SCAPER: variants seen among roughly 807,000 people sequenced by gnomAD.
The protein encoded by SCAPER is S-phase cyclin A associated protein in the ER.
In SCAPER, 98 loss-of-function variants were observed where a neutral mutation model predicts 182.2. The observed-to-expected ratio is 0.54, with a 90% CI of 0.46 to 0.64. The LOEUF (loss-of-function observed/expected upper bound fraction) is 0.64. SCAPER is among the 30% of genes least tolerant of loss of function. SCAPER has a pLI of 0.00. For missense variants in SCAPER, 1,432 were observed against 1,690.0 expected, an observed-to-expected ratio of 0.85 and a Z score of 2.68; for synonymous variants, 605 against 564.6, an observed-to-expected ratio of 1.07 and a Z score of -1.01.
At chr15:76,504,582 C>A (rs186623451) in intron 24 of SCAPER, among the ~76,000 whole-genome samples, 18 of 152,316 alleles carry the variant, frequency 1.2e-4, no homozygotes, top group Non-Finnish European at 2.2e-4. Context: ...TTTTTGGAAG[C>A]AGTTAGAATT....
intron 27 of SCAPER, chr15:76,385,266 C>T (rs1296243535): frequency 6.6e-6 from 1 of 152,208 alleles, no homozygotes; most frequent in Non-Finnish European, 1.5e-5. Context: ...ATACACTGGG[C>T]CTTAGTTGGC....
In SCAPER at chr15:76,636,219, G is replaced by A. The variant is rs1261513321; in HGVS notation, c.2646-14390C>T. 2.6e-5 allele frequency among the ~76,000 whole-genome samples: 4 copies of A among 152,142 alleles called. No individual in the cohort carries two copies. In the East Asian group the frequency reaches 7.7e-4, roughly 29 times the overall value. ...CTGAAAAAAATTCTTTCAGCACACTGAGTGTGTCATCTCATTGCCAAGTGG... is the reference window on the plus strand; with the variant it reads ...CTGAAAAAAATTCTTTCAGCACACTAAGTGTGTCATCTCATTGCCAAGTGG... On this transcript the variant is annotated intron_variant, in intron 21 of 31. Coordinates refer to ENST00000563290, the MANE Select transcript of SCAPER (RefSeq NM_020843.4).
intron 26 of SCAPER, among the ~76,000 whole-genome samples, chr15:76,431,676 C>CGCAAAAAAAAAAAA (rs2046868502): frequency 2.1e-5 from 1 of 47,128 alleles, no homozygotes; most frequent in Non-Finnish European, 3.5e-5. Flanking sequence ...AAATGATTAG[C>CGCAAAAAAAAAAAA]AAAAAAAAAA....
At chr15:76,358,373 A>C (rs1229014069) in intron 29 of SCAPER, among the ~76,000 whole-genome samples, 5 of 152,250 alleles carry the variant, frequency 3.3e-5, no homozygotes, top group Non-Finnish European at 7.3e-5. Context: ...AAGTTTATAG[A>C]TTCAATACAA....
chr15:76,704,463 G>A (rs111587421), intron 18 of SCAPER, among the ~76,000 whole-genome samples: 1 of 152,166 alleles, frequency 6.6e-6, no homozygotes, highest in Non-Finnish European at 1.5e-5. Flanking sequence ...TAGGTCTAAT[G>A]TTTAAGTCTT....
At chr15:76,794,498 GA>G (rs10716172) in intron 8 of SCAPER, among the ~76,000 whole-genome samples, 50,126 of 151,914 alleles carry the variant, frequency 0.33, 8,525 homozygotes, top group East Asian at 0.56. Flanking sequence ...AACTTACTGA[GA>G]AAAAAATGAA....
rs528148497 is a variant in SCAPER, at chr15:76,796,715, T to C, written c.612-1275A>G. Among the ~76,000 whole-genome samples the C allele has an allele frequency of 1.4e-4, 21 of 152,282 alleles. 1 individual carries two copies. The South Asian group carries it at 3.3e-3, about 24-fold the overall frequency. On this transcript the variant is annotated intron_variant, in intron 7 of 31. Transcript: ENST00000563290. Reference sequence around the variant, plus strand: ...TTACAATAAACCATACACTATACAATACTCTGAACCACACACCAATGAAGT... The same window carrying C: ...TTACAATAAACCATACACTATACAACACTCTGAACCACACACCAATGAAGT...
intron 15 of SCAPER, among the ~76,000 whole-genome samples, 162 bp downstream of exon 15, chr15:76,753,646 G>T (rs1010614117): frequency 1.3e-5 from 2 of 151,710 alleles, no homozygotes; most frequent in Admixed American, 6.6e-5. Flanking sequence ...ATTATCAAAG[G>T]GATAAAATAT....
At chr15:76,713,973 T>C (rs2059741839) in intron 17 of SCAPER, among the ~76,000 whole-genome samples, 1 of 152,058 alleles carries the variant, frequency 6.6e-6, no homozygotes, top group South Asian at 2.1e-4. Flanking sequence ...CCAAAAAAAC[T>C]GGAGATAATC....
intron 21 of SCAPER, among the ~76,000 whole-genome samples, chr15:76,646,078 CATATCTAAATTT>C (rs1204243164): frequency 2.0e-5 from 3 of 152,038 alleles, no homozygotes; most frequent in Non-Finnish European, 4.4e-5. Context: ...TGTGTTTATC[CATATCTAAATTT>C]ATATCTAAAT....
At chr15:76,738,406 A>G (rs2151093045) in intron 15 of SCAPER, among the ~76,000 whole-genome samples, 1 of 152,236 alleles carries the variant, frequency 6.6e-6, no homozygotes, top group Non-Finnish European at 1.5e-5. Context: ...TTTGATTTAA[A>G]GTGAAAGATG....
chr15:76,525,318 ATTG>A (rs910452444), intron 23 of SCAPER, among the ~76,000 whole-genome samples: 2 of 152,144 alleles, frequency 1.3e-5, no homozygotes, highest in African/African-American at 4.8e-5. Context: ...CTACTATGTT[ATTG>A]TTGTGGACTA....
intron 23 of SCAPER, among the ~76,000 whole-genome samples, chr15:76,505,960 G>T (rs1567298189): frequency 6.6e-6 from 1 of 152,160 alleles, no homozygotes; most frequent in Non-Finnish European, 1.5e-5. Flanking sequence ...AGATGGAAGT[G>T]GAGGTCCTTA....
chr15:76,584,505 A>ATGT (rs1597508221), intron 22 of SCAPER, among the ~76,000 whole-genome samples: 1 of 151,288 alleles, frequency 6.6e-6, no homozygotes, highest in East Asian at 1.9e-4. Context: ...TACCTGTATC[A>ATGT]AAATATATCA....
At chr15:76,456,635 A>T (rs1448442144) in intron 25 of SCAPER, among the ~76,000 whole-genome samples, 1 of 152,226 alleles carries the variant, frequency 6.6e-6, no homozygotes, top group African/African-American at 2.4e-5. Flanking sequence ...TGTTCATATC[A>T]TGTATATTTT....
At chr15:76,752,198 T>C (rs1031917048) in intron 15 of SCAPER, among the ~76,000 whole-genome samples, 1 of 151,388 alleles carries the variant, frequency 6.6e-6, no homozygotes, top group Non-Finnish European at 1.5e-5. Context: ...ATAACACACA[T>C]CAGAATGACT....
At chr15:76,845,386 A>G (rs571813141) in intron 4 of SCAPER, among the ~76,000 whole-genome samples, 1 of 152,280 alleles carries the variant, frequency 6.6e-6, no homozygotes, top group African/African-American at 2.4e-5. Flanking sequence ...GCAATCAGAC[A>G]TGAGAAAGAA....
At position 76,418,392 on chromosome 15, in the gene SCAPER, G is replaced by C. The variant is rs149075009; in HGVS notation, c.3312-13713C>G. On this transcript the variant is annotated intron_variant, in intron 26 of 31. Coordinates refer to ENST00000563290, the MANE Select transcript of SCAPER (RefSeq NM_020843.4). Reference sequence around the variant, plus strand: ...AATGCCAGCAAATCTTGCTACAGGAGAATCTCCCAGTACTCATAGGACCCA... The same window carrying C: ...AATGCCAGCAAATCTTGCTACAGGACAATCTCCCAGTACTCATAGGACCCA... 2.6e-5 allele frequency among the ~76,000 whole-genome samples: 4 copies of C among 152,186 alleles called. No homozygotes were observed. In the East Asian group the frequency reaches 7.7e-4, roughly 29 times the overall value.
At chr15:76,547,318 G>A (rs895654118) in intron 23 of SCAPER, among the ~76,000 whole-genome samples, 4 of 152,066 alleles carry the variant, frequency 2.6e-5, no homozygotes, top group Non-Finnish European at 4.4e-5. Flanking sequence ...TATTAGCCAC[G>A]TGGATTTCTT....
Sources: gnomAD v4.1 joint callset for allele counts (sites outside exome capture counted in the v4.1 genomes callset) on GRCh38, gnomAD v4.1.1 for gene constraint, MANE v1.5 for transcripts, NCBI Gene and HGNC (gene_info 2026-07-23, HGNC 2026-07-21) for gene names.